Variants in DCAF6 observed in about 807,000 individuals in gnomAD.
DCAF6 encodes the protein DDB1 and CUL4 associated factor 6, also known as DDB1- and CUL4-associated factor 6.
Under a neutral mutation model 125.1 loss-of-function variants are expected in DCAF6, and 54 were observed. The ratio of observed to expected loss-of-function variants is 0.43; its 90% CI spans 0.35 to 0.54. DCAF6 has a LOEUF of 0.54. Among genes scored for constraint, DCAF6 ranks in the 20% least tolerant of loss-of-function variants. The pLI is 0.01. For synonymous variants in DCAF6, 371 were observed against 390.4 expected (o/e 0.95, Z 0.58); for missense variants, 934 against 1,161.7 (o/e 0.80, Z 2.85).
chr1:167,915,297 C>T, the DCAF6 span, among the ~76,000 whole-genome samples: 1 of 152,204 alleles, frequency 6.6e-6, no homozygotes, highest in Admixed American at 6.5e-5. Flanking sequence ...CTCCACCCCA[C>T]CTACTACTCC....
At chr1:167,879,439 T>G in the DCAF6 span, among the ~76,000 whole-genome samples, 1 of 152,162 alleles carries the variant, frequency 6.6e-6, no homozygotes, top group African/African-American at 2.4e-5. Context: ...AACTATTTAT[T>G]GTGGAGAAAT....
chr1:167,895,633 T>G, the DCAF6 span, among the ~76,000 whole-genome samples: 1 of 152,210 alleles, frequency 6.6e-6, no homozygotes, highest in Non-Finnish European at 1.5e-5. Flanking sequence ...TTGTTTTTTA[T>G]GAATTCAGGA....
At chr1:168,059,923 T>C (rs1202044486) in intron 17 of DCAF6, among the ~76,000 whole-genome samples, 2 of 152,140 alleles carry the variant, frequency 1.3e-5, no homozygotes, top group African/African-American at 2.4e-5. Flanking sequence ...GCTGGGATTA[T>C]AGGTGTGAAC....
chr1:168,011,120 T>A (rs1684222191), intron 10 of DCAF6, among the ~76,000 whole-genome samples: 1 of 146,176 alleles, frequency 6.8e-6, no homozygotes, highest in South Asian at 2.3e-4. Flanking sequence ...AATTTTTTTT[T>A]TTTTTTTTTT....
chr1:168,040,532 G>A (rs1362138288), intron 13 of DCAF6, among the ~76,000 whole-genome samples: 1 of 151,636 alleles, frequency 6.6e-6, no homozygotes. Context: ...ATTTGAAGGT[G>A]CAGCCAGTAG....
intron 1 of DCAF6, among the ~76,000 whole-genome samples, chr1:167,943,678 C>A (rs1029260676): frequency 2.0e-5 from 3 of 152,180 alleles, no homozygotes; most frequent in Non-Finnish European, 4.4e-5. Context: ...CCTCCTCATT[C>A]TTCCACTCCA....
the DCAF6 span, among the ~76,000 whole-genome samples, chr1:167,912,268 T>A: frequency 6.6e-6 from 1 of 152,032 alleles, no homozygotes; most frequent in African/African-American, 2.4e-5. Context: ...CTCCAGAAAA[T>A]TTCTTGTAAA....
chr1:167,951,638 G>A (rs1417230113), intron 1 of DCAF6, among the ~76,000 whole-genome samples, 162 bp from the exon 2 acceptor site: 1 of 152,126 alleles, frequency 6.6e-6, no homozygotes, highest in Non-Finnish European at 1.5e-5. Context: ...CTAAGTCTTA[G>A]GCGGAGGTTA....
chr1:167,920,242 G>A, the DCAF6 span: 2 of 601,480 alleles, frequency 3.3e-6, no homozygotes, highest in South Asian at 2.5e-5. Context: ...CTGTAACTTA[G>A]TGTCACAGAA....
the DCAF6 span, among the ~76,000 whole-genome samples, chr1:167,913,398 A>G: frequency 6.6e-6 from 1 of 152,216 alleles, no homozygotes. Context: ...AGGTTTCACG[A>G]GTCCAAAGAG....
At chr1:167,932,110 C>A (rs1042214231), upstream of DCAF6, among the ~76,000 whole-genome samples, 4 of 152,070 alleles carry the variant, frequency 2.6e-5, no homozygotes, top group Non-Finnish European at 4.4e-5. Context: ...AGCTATAATG[C>A]GTTAAAATGA....
At chr1:167,874,088 T>C in the DCAF6 span, among the ~76,000 whole-genome samples, 2 of 152,166 alleles carry the variant, frequency 1.3e-5, no homozygotes, top group East Asian at 1.9e-4. Context: ...TCCCAGCACT[T>C]TGGGAGGCTG....
chr1:168,063,552 A>C (rs370324913), intron 17 of DCAF6, 69 bp from the exon 18 acceptor site: 9 of 1,290,452 alleles, frequency 7.0e-6, no homozygotes, highest in Non-Finnish European at 8.2e-6. Flanking sequence ...CTATATTTTC[A>C]TAAGTTTCTC....
chr1:168,043,420 A>G (rs1365055555), intron 14 of DCAF6, among the ~76,000 whole-genome samples: 1 of 152,116 alleles, frequency 6.6e-6, no homozygotes, highest in Non-Finnish European at 1.5e-5. Flanking sequence ...GTTAGTTTGA[A>G]TTAGTCTTTA....
At chr1:167,953,912 A>C (rs1228040087) in intron 2 of DCAF6, among the ~76,000 whole-genome samples, 1 of 151,810 alleles carries the variant, frequency 6.6e-6, no homozygotes, top group Non-Finnish European at 1.5e-5. Flanking sequence ...CATTTTTTTC[A>C]AGTTTAAACA....
chr1:167,865,723 C>T, the DCAF6 span, among the ~76,000 whole-genome samples: 7 of 152,188 alleles, frequency 4.6e-5, no homozygotes, highest in Admixed American at 4.6e-4. Flanking sequence ...AGACAGCATA[C>T]CAAGATGCAA....
chr1:167,870,558 C>T, the DCAF6 span: 11 of 653,678 alleles, frequency 1.7e-5, no homozygotes, highest in Admixed American at 2.5e-5. Context: ...TTTGGGAGGC[C>T]GAGGTGGGCG....
chr1:167,918,333 G>T, the DCAF6 span: 1 of 1,567,334 alleles, frequency 6.4e-7, no homozygotes, highest in Non-Finnish European at 8.8e-7. Flanking sequence ...TTATTTGTGT[G>T]CTTTAGCTTT....
intron 2 of DCAF6, among the ~76,000 whole-genome samples, chr1:167,965,787 A>T (rs961304813): frequency 6.6e-6 from 1 of 151,908 alleles, no homozygotes; most frequent in Non-Finnish European, 1.5e-5. Context: ...GGCGCATGCC[A>T]CCATGGCCGG....
Sources: allele counts gnomAD v4.1 joint callset (sites outside exome capture counted in the v4.1 genomes callset), GRCh38; gene constraint gnomAD v4.1.1; transcripts MANE v1.5; gene names NCBI Gene and HGNC (gene_info 2026-07-23, HGNC 2026-07-21).